Variants in KLRG1 observed in about 807,000 individuals in gnomAD.
The protein encoded by KLRG1 is killer cell lectin like receptor G1.
In KLRG1, 16 loss-of-function variants were observed where a neutral mutation model predicts 21.8. The observed-to-expected ratio is 0.73, with a 90% CI of 0.50 to 1.11. The LOEUF is 1.11. Among genes scored for constraint, KLRG1 ranks in the 50% most tolerant of loss-of-function variants. The pLI, the probability that KLRG1 is intolerant of heterozygous loss-of-function variation, is 0.00. For synonymous variants in KLRG1, 69 were observed against 75.9 expected (o/e 0.91, Z 0.47); for missense variants, 173 against 218.3 (o/e 0.79, Z 1.31).
chr12:9,134,294 C>G, the KLRG1 span, among the ~76,000 whole-genome samples: 1 of 152,168 alleles, frequency 6.6e-6, no homozygotes, highest in African/African-American at 2.4e-5. Context: ...AGGCTATAAT[C>G]CAGACCTCTT....
At chr12:9,182,116 C>T in the KLRG1 span, 1 of 939,084 alleles carries the variant, frequency 1.1e-6, no homozygotes, top group Non-Finnish European at 1.4e-6. Context: ...AACTGCCTTT[C>T]ACTGGAACAT....
chr12:9,210,418 T>C, the KLRG1 span, among the ~76,000 whole-genome samples: 1 of 152,184 alleles, frequency 6.6e-6, no homozygotes, highest in Non-Finnish European at 1.5e-5. Flanking sequence ...AGCCTTGGAC[T>C]CTAGACGCTG....
the KLRG1 span, chr12:9,112,336 T>C: frequency 6.2e-7 from 1 of 1,604,476 alleles, no homozygotes; most frequent in African/African-American, 1.3e-5. Context: ...GAAGAAGATC[T>C]TTCCTTTTTG....
the KLRG1 span, chr12:9,203,968 T>C: frequency 6.3e-7 from 1 of 1,589,806 alleles, no homozygotes; most frequent in South Asian, 1.1e-5. Context: ...AAGGAAGAAG[T>C]CTAAATTAGA....
At chr12:9,015,847 A>G in the KLRG1 span, among the ~76,000 whole-genome samples, 1 of 152,230 alleles carries the variant, frequency 6.6e-6, no homozygotes, top group African/African-American at 2.4e-5. Context: ...AGAAGTCAGT[A>G]ACAAGAGGAA....
chr12:9,063,668 T>C, the KLRG1 span, among the ~76,000 whole-genome samples: 2 of 152,166 alleles, frequency 1.3e-5, no homozygotes, highest in African/African-American at 4.8e-5. Flanking sequence ...CCCCAAAACT[T>C]GAGAAGGCCA....
At chr12:9,034,309 C>T in the KLRG1 span, among the ~76,000 whole-genome samples, 25 of 152,222 alleles carry the variant, frequency 1.6e-4, no homozygotes, top group African/African-American at 3.9e-4. Flanking sequence ...CTCACGTGTT[C>T]GTGGTGATGC....
the KLRG1 span, chr12:9,181,119 A>C: frequency 6.2e-7 from 1 of 1,614,112 alleles, no homozygotes; most frequent in Non-Finnish European, 8.5e-7. Context: ...TGCTGGGCTG[A>C]AGCTCAAATC....
the KLRG1 span, among the ~76,000 whole-genome samples, chr12:9,179,054 G>A: frequency 6.6e-6 from 1 of 151,978 alleles, no homozygotes; most frequent in Non-Finnish European, 1.5e-5. Context: ...GATTCATGAG[G>A]GAGTTAAAGC....
At chr12:9,101,456 G>C in the KLRG1 span, 1 of 1,613,202 alleles carries the variant, frequency 6.2e-7, no homozygotes, top group Non-Finnish European at 8.5e-7. Context: ...CCAGATAATA[G>C]AAGGAGAGCT....
At chr12:9,017,882 A>T in the KLRG1 span, among the ~76,000 whole-genome samples, 1 of 152,242 alleles carries the variant, frequency 6.6e-6, no homozygotes, top group South Asian at 2.1e-4. Context: ...AGTTCACAAA[A>T]AACTATTAAA....
the KLRG1 span, among the ~76,000 whole-genome samples, chr12:9,061,285 T>C: frequency 1.3e-5 from 2 of 151,398 alleles, no homozygotes; most frequent in African/African-American, 2.4e-5. Context: ...ATAGAATTAA[T>C]TTTTTTTTAA....
the KLRG1 span, among the ~76,000 whole-genome samples, chr12:9,195,798 C>T: frequency 6.6e-6 from 1 of 150,816 alleles, no homozygotes; most frequent in Admixed American, 6.6e-5. Context: ...AATTAATTAT[C>T]AATATGAATA....
the KLRG1 span, chr12:9,149,666 C>G: frequency 6.5e-7 from 1 of 1,533,398 alleles, no homozygotes; most frequent in Non-Finnish European, 8.9e-7. Context: ...CATGCTAAAT[C>G]TGTCTAGTCA....
chr12:8,959,095 G>A (rs541817857), intron 1 of KLRG1, among the ~76,000 whole-genome samples: 52 of 152,212 alleles, frequency 3.4e-4, no homozygotes, highest in Non-Finnish European at 4.9e-4. Flanking sequence ...ACTATAAGAG[G>A]AATTTAGTTT....
At chr12:9,077,386 T>C in the KLRG1 span, 2 of 1,613,660 alleles carry the variant, frequency 1.2e-6, no homozygotes, top group East Asian at 2.2e-5. Context: ...GATGGTGATA[T>C]AGGCGGAGAG....
At chr12:8,961,569 T>A (rs1457846719) in intron 1 of KLRG1, among the ~76,000 whole-genome samples, 12 of 148,470 alleles carry the variant, frequency 8.1e-5, no homozygotes, top group Non-Finnish European at 1.6e-4. Context: ...CCCACCACCA[T>A]GCTCAGCTAA....
the KLRG1 span, chr12:9,181,102 G>T: frequency 1.9e-6 from 3 of 1,614,006 alleles, no homozygotes; most frequent in African/African-American, 1.3e-5. Context: ...GAGGCTGGGG[G>T]ACTTTGTGCT....
At chr12:9,033,677 C>T in the KLRG1 span, among the ~76,000 whole-genome samples, 3 of 152,206 alleles carry the variant, frequency 2.0e-5, no homozygotes, top group Non-Finnish European at 4.4e-5. Context: ...AGGACAAAGA[C>T]ACTTTTGTGT....
Sources: allele counts gnomAD v4.1 joint callset (sites outside exome capture counted in the v4.1 genomes callset), GRCh38; gene constraint gnomAD v4.1.1; transcripts MANE v1.5; gene names NCBI Gene and HGNC (gene_info 2026-07-23, HGNC 2026-07-21).